Variants in LRP1B observed in about 807,000 individuals in gnomAD.
The protein encoded by LRP1B is low-density lipoprotein receptor-related protein 1B.
LRP1B carries 217 observed loss-of-function variants against 556.6 expected under a neutral mutation model. That is an observed-to-expected ratio of 0.39 (90% CI 0.35 to 0.44). The LOEUF is 0.44. Among genes scored for constraint, LRP1B ranks in the 20% least tolerant of loss-of-function variants. The probability of loss-of-function intolerance (pLI) is 1.00; values close to 1 mark genes in which losing one functional copy is unlikely to be tolerated. For missense variants in LRP1B, 5,053 were observed against 5,620.8 expected (o/e 0.90, Z 3.23); for synonymous variants, 2,047 against 1,865.8 (o/e 1.10, Z -2.50).
At chr2:141,877,440 T>C (rs1698808909) in intron 1 of LRP1B, among the ~76,000 whole-genome samples, 1 of 152,000 alleles carries the variant, frequency 6.6e-6, no homozygotes, top group South Asian at 2.1e-4. Flanking sequence ...TGTTACCCAC[T>C]TGTAGGTCAA....
chr2:141,888,827 G>A (rs1020405350), intron 1 of LRP1B, among the ~76,000 whole-genome samples: 6 of 152,176 alleles, frequency 3.9e-5, no homozygotes, highest in African/African-American at 1.4e-4. Context: ...ATCAGGTAAT[G>A]TGTTGAAGGA....
chr2:141,209,739 A>G (rs300353), intron 6 of LRP1B, among the ~76,000 whole-genome samples: 120,736 of 151,960 alleles, frequency 0.79, 48,854 homozygotes, highest in Non-Finnish European at 0.87. Flanking sequence ...TACTGTAAGC[A>G]GTTAAGAGGA....
In LRP1B at chr2:140,711,515, C is replaced by T. The variant is rs575737211; in HGVS notation, c.6023+4458G>A. On this transcript the variant is annotated intron_variant, in intron 37 of 90. Coordinates refer to ENST00000389484, the MANE Select transcript of LRP1B (RefSeq NM_018557.3). ...AAAGTTAACCCATTATAACTGCCAACTTTGATCTATAACCTTTTTTCTCCT... is the reference window on the plus strand; with the variant it reads ...AAAGTTAACCCATTATAACTGCCAATTTTGATCTATAACCTTTTTTCTCCT... Among the ~76,000 whole-genome samples, 4 of 152,166 alleles carry T rather than the reference C, an allele frequency of 2.6e-5. No individual in the cohort carries two copies. The South Asian group carries it at 8.3e-4, about 32-fold the overall frequency.
chr2:141,286,377 T>C (rs1685722186), intron 3 of LRP1B, among the ~76,000 whole-genome samples: 2 of 152,198 alleles, frequency 1.3e-5, no homozygotes, highest in African/African-American at 4.8e-5. Flanking sequence ...GTAAAAATTT[T>C]ATGTCTATGT....
chr2:141,554,050 CAT>C lies in LRP1B; in HGVS notation c.206-73519_206-73518del, dbSNP rs529111075. Among the ~76,000 whole-genome samples the C allele has an allele frequency of 1.2e-3, 172 of 137,734 alleles. 1 individual carries two copies. Among genetic ancestry groups the C allele is most frequent in the South Asian group, 4.2e-3 (18 of 4,250 alleles). 90.4% of individuals were successfully genotyped at this position (137,734 alleles called of 152,430 possible). On this transcript the variant is annotated intron_variant, in intron 2 of 90. Coordinates refer to ENST00000389484, the MANE Select transcript of LRP1B (RefSeq NM_018557.3). Reference sequence around the variant, plus strand: ...TAGATTATATATCTATATTAATAGACATAGATATAGATTATATATCTATATGA... The same window carrying C: ...TAGATTATATATCTATATTAATAGACAGATATAGATTATATATCTATATGA...
chr2:140,313,764 C>T (rs1010065024), intron 83 of LRP1B, among the ~76,000 whole-genome samples: 8 of 151,844 alleles, frequency 5.3e-5, no homozygotes, highest in Admixed American at 4.6e-4. Flanking sequence ...CACAGTACTA[C>T]AATTTTTTCT....
intron 35 of LRP1B, among the ~76,000 whole-genome samples, chr2:140,751,763 T>G (rs918283186): frequency 1.3e-5 from 2 of 152,156 alleles, no homozygotes; most frequent in African/African-American, 4.8e-5. Context: ...AAAGACATTC[T>G]CTAGTTGGAG....
At chr2:141,082,914 A>G (rs1339203271) in intron 7 of LRP1B, among the ~76,000 whole-genome samples, 1 of 152,214 alleles carries the variant, frequency 6.6e-6, no homozygotes, top group Non-Finnish European at 1.5e-5. Context: ...ATTTTATGTT[A>G]TGTGATCCCA....
chr2:141,224,442 G>A (rs1191537334), intron 6 of LRP1B, among the ~76,000 whole-genome samples: 4 of 152,102 alleles, frequency 2.6e-5, no homozygotes, highest in Non-Finnish European at 4.4e-5. Flanking sequence ...CAAAGACCTA[G>A]AACCAGAAAT....
intron 7 of LRP1B, among the ~76,000 whole-genome samples, chr2:141,064,500 A>G (rs1370074671): frequency 1.3e-5 from 2 of 151,970 alleles, no homozygotes; most frequent in Non-Finnish European, 2.9e-5. Flanking sequence ...TCTGCTAAGC[A>G]TGAAAAAAAG....
intron 1 of LRP1B, among the ~76,000 whole-genome samples, chr2:141,923,446 A>ATATGTGTGTGTG (rs751676259): frequency 1.2e-4 from 10 of 81,750 alleles, no homozygotes; most frequent in African/African-American, 3.8e-4. Context: ...TTATATATAT[A>ATATGTGTGTGTG]TGTGTGTGTG....
chr2:141,211,024 G>A (rs112292872), intron 6 of LRP1B, among the ~76,000 whole-genome samples: 3,053 of 152,082 alleles, frequency 0.02, 41 homozygotes, highest in Middle Eastern at 0.034. Flanking sequence ...GTCTCGCTCC[G>A]TCACCCAGGC....
intron 3 of LRP1B, among the ~76,000 whole-genome samples, chr2:141,441,735 T>C (rs560410128): frequency 6.6e-6 from 1 of 151,982 alleles, no homozygotes; most frequent in Non-Finnish European, 1.5e-5. Context: ...AAGGAGAGAG[T>C]CACTGTTAGC....
At position 141,232,564 on chromosome 2, in the gene LRP1B, G is replaced by A. The variant is rs190182883; in HGVS notation, c.593-3124C>T. On this transcript the variant is annotated intron_variant, in intron 5 of 90. Coordinates refer to ENST00000389484, the MANE Select transcript of LRP1B (RefSeq NM_018557.3). ...AAACTGAGATGCAAATGGGTTCATG[G>A]TTAACACAGGCAATGCTTATTTGAC... is the stretch of plus-strand genomic sequence containing the variant. Among the ~76,000 whole-genome samples, 11 of 152,304 alleles carry A rather than the reference G, an allele frequency of 7.2e-5. 1 individual carries two copies. The highest frequency in any genetic ancestry group is 3.4e-3 in the Middle Eastern group (1 of 294).
chr2:141,467,839 C>CGTGGGG (rs1553518610), intron 3 of LRP1B, among the ~76,000 whole-genome samples: 2 of 57,148 alleles, frequency 3.5e-5, no homozygotes, highest in African/African-American at 8.8e-5. Flanking sequence ...GTTTGCGGAC[C>CGTGGGG]GGGGGGGGGG....
At chr2:141,036,215 G>A (rs1698529013) in intron 11 of LRP1B, among the ~76,000 whole-genome samples, 1 of 151,816 alleles carries the variant, frequency 6.6e-6, no homozygotes, top group Non-Finnish European at 1.5e-5. Context: ...GGAAGAAGAG[G>A]CGACTACCAT....
intron 5 of LRP1B, among the ~76,000 whole-genome samples, chr2:141,238,535 T>C (rs1249296263): frequency 6.6e-6 from 1 of 152,126 alleles, no homozygotes; most frequent in Non-Finnish European, 1.5e-5. Context: ...GTCTAGATGC[T>C]AGCAATACAA....
intron 45 of LRP1B, among the ~76,000 whole-genome samples, chr2:140,537,955 T>TA (rs1186518573): frequency 6.6e-6 from 1 of 152,136 alleles, no homozygotes; most frequent in Non-Finnish European, 1.5e-5. Context: ...TGCATGTACG[T>TA]ACTCACCCCA....
chr2:140,590,121 G>C (rs1403782203), intron 43 of LRP1B, among the ~76,000 whole-genome samples: 2 of 151,608 alleles, frequency 1.3e-5, no homozygotes, highest in African/African-American at 2.4e-5. Context: ...TGCATATGTC[G>C]TCCTTCACTC....
Sources: gnomAD v4.1 joint callset for allele counts (sites outside exome capture counted in the v4.1 genomes callset) on GRCh38, gnomAD v4.1.1 for gene constraint, MANE v1.5 for transcripts, NCBI Gene and HGNC (gene_info 2026-07-23, HGNC 2026-07-21) for gene names.